CECR2: variants seen among roughly 807,000 people sequenced by gnomAD.
CECR2 encodes chromatin remodeling regulator CECR2.
CECR2 carries 30 observed loss-of-function variants against 154.5 expected under a neutral mutation model. The observed-to-expected ratio is 0.19, with a 90% CI of 0.15 to 0.26. CECR2 has a LOEUF of 0.26. Among genes scored for constraint, CECR2 ranks in the 10% least tolerant of loss-of-function variants. The pLI is 1.00. For missense variants in CECR2, 1,743 were observed against 1,829.3 expected (o/e 0.95, Z 0.86); for synonymous variants, 725 against 683.7 (o/e 1.06, Z -0.94).
chr22:17,499,373 C>T lies in CECR2; in HGVS notation c.406-37C>T, dbSNP rs367997788. On this transcript the variant is annotated intron_variant, in intron 3 of 18. Transcript: ENST00000262608. ...GGTTTTTTCCTGGTGCGTTTTGTTC[C>T]CCATTTCCCCAAACCCCTTTTCCGT... is the stretch of plus-strand genomic sequence containing the variant. 3.2e-4 allele frequency: 504 copies of T among 1,584,828 alleles called. 1 individual carries two copies. The highest frequency in any genetic ancestry group is 3.9e-4 in the Non-Finnish European group (458 of 1,169,106).
At chr22:17,386,857 G>GAAC (rs2063268839) in intron 1 of CECR2, among the ~76,000 whole-genome samples, 1 of 151,968 alleles carries the variant, frequency 6.6e-6, no homozygotes, top group Non-Finnish European at 1.5e-5. Flanking sequence ...CATCATATTG[G>GAAC]TCAGGCTGGT....
chr22:17,477,970 C>T (rs1005341314), intron 2 of CECR2, among the ~76,000 whole-genome samples: 3 of 152,110 alleles, frequency 2.0e-5, no homozygotes, highest in African/African-American at 7.2e-5. Context: ...CTTATATTTG[C>T]CATTTTCTGA....
chr22:17,437,890 T>C (rs1363283970), intron 1 of CECR2, among the ~76,000 whole-genome samples: 1 of 152,202 alleles, frequency 6.6e-6, no homozygotes, highest in Non-Finnish European at 1.5e-5. Flanking sequence ...ATGTTGACCA[T>C]GAATTTGAAA....
At position 17,499,483 on chromosome 22, in the gene CECR2, A is replaced by G. The variant is rs1423142531; in HGVS notation, c.479A>G (p.Tyr160Cys). Residue 160 changes from tyrosine to cysteine, a missense_variant, in exon 4 of 19, where the codon TAT becomes TGT. Tyr to Cys is a radical substitution (Grantham distance 194, BLOSUM62 -2). Around this residue, in one of 4 missense-constraint regions of CECR2, gnomAD observed 98 missense variants for 169.3 expected, o/e 0.58. Transcript: ENST00000262608. Reference sequence around the variant, plus strand: ...TCTGGGGCACTATATTGGTATTTCTATGGAACACGAATGTACAAAGAGGAC... The same window carrying G: ...TCTGGGGCACTATATTGGTATTTCTGTGGAACACGAATGTACAAAGAGGAC... ...DNSGALYWYF[Y>C]GTRMYKEDPV... 2.5e-6 allele frequency: 4 copies of G among 1,613,870 alleles called. No homozygotes were observed. The highest frequency in any genetic ancestry group is 2.2e-5 in the East Asian group (1 of 44,882).
intron 1 of CECR2, among the ~76,000 whole-genome samples, chr22:17,383,252 C>A (rs2063221061): frequency 6.6e-6 from 1 of 152,064 alleles, no homozygotes; most frequent in African/African-American, 2.4e-5. Context: ...TCCTAATGAT[C>A]ATCTGAGCCT....
intron 1 of CECR2, among the ~76,000 whole-genome samples, chr22:17,399,929 A>G (rs1319725409): frequency 3.9e-5 from 6 of 152,220 alleles, no homozygotes; most frequent in Non-Finnish European, 5.9e-5. Flanking sequence ...CTCACATTTA[A>G]TGATGACATG....
intron 1 of CECR2, among the ~76,000 whole-genome samples, chr22:17,456,744 C>G (rs1224195044): frequency 1.3e-5 from 2 of 152,118 alleles, no homozygotes; most frequent in African/African-American, 4.8e-5. Flanking sequence ...GTAAAAGTGC[C>G]TTCATTTATT....
chr22:17,483,398 AAAAAAT>A (rs1180494491), intron 2 of CECR2, among the ~76,000 whole-genome samples: 1 of 152,148 alleles, frequency 6.6e-6, no homozygotes, highest in East Asian at 1.9e-4. Flanking sequence ...CGTCTCTACT[AAAAAAT>A]AAAAATAAAT....
intron 8 of CECR2, among the ~76,000 whole-genome samples, chr22:17,513,600 A>G (rs867896620): frequency 6.6e-6 from 1 of 152,170 alleles, no homozygotes; most frequent in Non-Finnish European, 1.5e-5. Flanking sequence ...CTGGGGGTTG[A>G]CAATTCTATT....
chr22:17,448,242 G>C (rs867448074), intron 1 of CECR2, among the ~76,000 whole-genome samples: 11 of 152,170 alleles, frequency 7.2e-5, no homozygotes, highest in South Asian at 6.2e-4. Context: ...CTAAAAACTG[G>C]TTGGATATGA....
Position 17,377,195 on chromosome 22 carries a change from G to A in CECR2, c.126+7286G>A, listed in dbSNP as rs73153489. ...GATCCACATCTTACAAATTAATTAC[G>A]TACCAAGTGAAAACTGCAAATCCAT... On this transcript the variant is annotated intron_variant, in intron 1 of 18. Coordinates refer to ENST00000262608, the MANE Select transcript of CECR2 (RefSeq NM_001290047.2). Among the ~76,000 whole-genome samples, 482 of 152,194 alleles carry A rather than the reference G, an allele frequency of 3.2e-3. 3 individuals are homozygous for A. Among genetic ancestry groups the A allele is most frequent in the Non-Finnish European group, 5.0e-3 (340 of 68,024 alleles).
chr22:17,459,967 G>T (rs997110331), intron 1 of CECR2, among the ~76,000 whole-genome samples: 4 of 152,306 alleles, frequency 2.6e-5, no homozygotes, highest in Non-Finnish European at 5.9e-5. Context: ...TGCTGTGCGG[G>T]TGTTTCTCAG....
At chr22:17,387,331 A>G (rs1305246904) in intron 1 of CECR2, among the ~76,000 whole-genome samples, 1 of 152,224 alleles carries the variant, frequency 6.6e-6, no homozygotes, top group Non-Finnish European at 1.5e-5. Flanking sequence ...CTCGCAAGAA[A>G]AGATGAACTG....
At chr22:17,459,399 C>T (rs1342339891) in intron 1 of CECR2, among the ~76,000 whole-genome samples, 1 of 152,190 alleles carries the variant, frequency 6.6e-6, no homozygotes, top group Non-Finnish European at 1.5e-5. Flanking sequence ...TCAAGCTATC[C>T]TCCCATCTCA....
At chr22:17,420,908 T>G (rs1305665322) in intron 1 of CECR2, among the ~76,000 whole-genome samples, 4 of 152,188 alleles carry the variant, frequency 2.6e-5, no homozygotes. Flanking sequence ...ATCACCCCTG[T>G]CCCTCACCCA....
intron 1 of CECR2, among the ~76,000 whole-genome samples, chr22:17,396,091 A>T (rs770276522): frequency 6.6e-6 from 1 of 151,668 alleles, no homozygotes; most frequent in East Asian, 1.9e-4. Flanking sequence ...ATAAAAAAAA[A>T]AACAACTGGC....
intron 1 of CECR2, among the ~76,000 whole-genome samples, chr22:17,476,882 C>T (rs1487656589): frequency 6.6e-6 from 1 of 152,212 alleles, no homozygotes; most frequent in African/African-American, 2.4e-5. Context: ...AAGTTCCCCA[C>T]CACCACTTTT....
At chr22:17,522,872 G>A (rs1375653128) in intron 8 of CECR2, among the ~76,000 whole-genome samples, 1 of 151,996 alleles carries the variant, frequency 6.6e-6, no homozygotes, top group Non-Finnish European at 1.5e-5. Context: ...AGGCGTGGTG[G>A]TACACACCTG....
At chr22:17,534,036 CA>C (rs1569147683) in intron 9 of CECR2, among the ~76,000 whole-genome samples, 2 of 151,992 alleles carry the variant, frequency 1.3e-5, no homozygotes, top group East Asian at 3.9e-4. Flanking sequence ...TGAAAACTTG[CA>C]AAAACAATAC....
Sources: allele counts gnomAD v4.1 joint callset (sites outside exome capture counted in the v4.1 genomes callset), GRCh38; gene constraint gnomAD v4.1.1; regional missense constraint gnomAD v4.1.1; transcripts MANE v1.5; gene names NCBI Gene and HGNC (gene_info 2026-07-23, HGNC 2026-07-21).